Variants in ZEB1 observed in about 807,000 individuals in gnomAD.
ZEB1 encodes the protein zinc finger E-box-binding homeobox 1.
ZEB1 carries 21 observed loss-of-function variants against 84.9 expected under a neutral mutation model. That is an observed-to-expected ratio of 0.25 (90% CI 0.18 to 0.36). ZEB1 has a LOEUF of 0.36. Among genes scored for constraint, ZEB1 ranks in the 10% least tolerant of loss-of-function variants. The pLI is 1.00. For missense variants in ZEB1, 1,104 were observed against 1,330.2 expected (o/e 0.83, Z 2.65); for synonymous variants, 420 against 471.1 (o/e 0.89, Z 1.41).
intron 1 of ZEB1, among the ~76,000 whole-genome samples, chr10:31,322,584 A>T (rs2034412156): frequency 6.6e-6 from 1 of 152,218 alleles, no homozygotes; most frequent in South Asian, 2.1e-4. Flanking sequence ...TGGCCAAAGC[A>T]TCAAACCTTG....
At chr10:31,475,177 A>T (rs1387887464) in intron 2 of ZEB1, among the ~76,000 whole-genome samples, 4 of 151,484 alleles carry the variant, frequency 2.6e-5, no homozygotes, top group Non-Finnish European at 5.9e-5. Context: ...AACCTGCACA[A>T]TGTGCACATG....
At chr10:31,368,470 C>A (rs1056736745) in intron 1 of ZEB1, among the ~76,000 whole-genome samples, 1 of 143,056 alleles carries the variant, frequency 7.0e-6, no homozygotes, top group African/African-American at 2.6e-5. Flanking sequence ...CTCTTGTATA[C>A]GTTAAATCAT....
intron 1 of ZEB1, among the ~76,000 whole-genome samples, chr10:31,452,734 TGTGTGTGTGAGAGAGAGA>T (rs1164447966): frequency 1.7e-4 from 19 of 111,048 alleles, no homozygotes; most frequent in African/African-American, 9.0e-4. Flanking sequence ...TGTGTGTGTG[TGTGTGTGTGAGAGAGAGA>T]GAGAGAGAGA....
At chr10:31,474,279 C>A (rs1448812957) in intron 2 of ZEB1, among the ~76,000 whole-genome samples, 2 of 151,462 alleles carry the variant, frequency 1.3e-5, no homozygotes, top group Non-Finnish European at 2.9e-5. Flanking sequence ...AGGCAACCTA[C>A]AAAATGGGAG....
chr10:31,499,792 T>G (rs1344055844), intron 3 of ZEB1, among the ~76,000 whole-genome samples: 1 of 151,874 alleles, frequency 6.6e-6, no homozygotes, highest in Non-Finnish European at 1.5e-5. Context: ...TTATCAATAA[T>G]GAAGAAAACA....
intron 1 of ZEB1, chr10:31,360,953 C>T: frequency 1.9e-6 from 3 of 1,600,628 alleles, no homozygotes; most frequent in Middle Eastern, 2.3e-4. Context: ...AAGCAGCTAA[C>T]TATGGCGACC....
intron 1 of ZEB1, among the ~76,000 whole-genome samples, chr10:31,408,789 A>T (rs1168068908): frequency 2.7e-5 from 4 of 149,990 alleles, no homozygotes; most frequent in African/African-American, 1.0e-4. Flanking sequence ...AACCATAAAA[A>T]CCCTAGAAGA....
At chr10:31,398,849 C>T (rs2051329837) in intron 1 of ZEB1, among the ~76,000 whole-genome samples, 1 of 152,060 alleles carries the variant, frequency 6.6e-6, no homozygotes, top group African/African-American at 2.4e-5. Context: ...TTTCTTCTTG[C>T]CTCCCCATCT....
rs2073716635 is a variant in ZEB1 at position 31,527,454 on chromosome 10, A to ACACACACAC, written c.*190_*191insCACACACAC. The ACACACACAC allele has an allele frequency of 1.7e-6, 1 of 594,324 alleles. No individual in the cohort carries two copies. Among genetic ancestry groups the ACACACACAC allele is most frequent in the Admixed American group, 3.5e-5 (1 of 28,216 alleles). 36.8% of individuals were successfully genotyped at this position (594,324 alleles called of 1,614,324 possible). A position where few individuals can be genotyped will look rare whatever the true frequency, so the allele number is the denominator to read the frequency against. ...ACACACACACACACACACACACACA[A>ACACACACAC]AATAAATCCGGGTGTGCCTGAACCT... On this transcript the variant is annotated 3_prime_UTR_variant, in exon 9 of 9. Coordinates refer to ENST00000424869, the MANE Select transcript of ZEB1 (RefSeq NM_001174096.2).
At chr10:31,435,343 T>A (rs1449095661) in intron 1 of ZEB1, among the ~76,000 whole-genome samples, 2 of 152,218 alleles carry the variant, frequency 1.3e-5, no homozygotes, top group African/African-American at 4.8e-5. Flanking sequence ...GGCATCTAAT[T>A]GTGAAATAAT....
intron 1 of ZEB1, among the ~76,000 whole-genome samples, chr10:31,362,401 T>C (rs1321060844): frequency 1.8e-5 from 1 of 55,488 alleles, no homozygotes; most frequent in Non-Finnish European, 3.7e-5. Flanking sequence ...CTTCCCAGAG[T>C]GTAGGGGGGC....
At position 31,442,842 on chromosome 10, in the gene ZEB1, G is replaced by C. The variant is rs149958299; in HGVS notation, c.59-18195G>C. On this transcript the variant is annotated intron_variant, in intron 1 of 8. Transcript: ENST00000424869. ...CAAATGAGGACTGATAATTGTCATT[G>C]CATTTAGCAGTGCTCACAGTCATGA... 2.4e-4 allele frequency among the ~76,000 whole-genome samples: 37 copies of C among 152,340 alleles called. No homozygotes were observed. The East Asian group carries it at 6.8e-3, about 28-fold the overall frequency.
Position 31,525,860 on chromosome 10 carries a change from C to T in ZEB1, c.2786-812C>T, listed in dbSNP as rs560287989. On this transcript the variant is annotated intron_variant, in intron 8 of 8. Coordinates refer to ENST00000424869, the MANE Select transcript of ZEB1 (RefSeq NM_001174096.2). ...CTAAGAAGAGTTAGAAAATCCCCTT[C>T]CTCTTCAGGCAAAGTTAAATATTAG... Among the ~76,000 whole-genome samples, 12 of 152,272 alleles carry T rather than the reference C, an allele frequency of 7.9e-5. No homozygotes were observed. In the East Asian group the frequency reaches 2.3e-3, roughly 29 times the overall value.
chr10:31,344,070 A>T (rs1307356921), intron 1 of ZEB1, among the ~76,000 whole-genome samples: 1 of 152,080 alleles, frequency 6.6e-6, no homozygotes, highest in Non-Finnish European at 1.5e-5. Flanking sequence ...TGACAGCCTC[A>T]CTGGATCCTG....
intron 1 of ZEB1, among the ~76,000 whole-genome samples, chr10:31,390,886 T>G (rs1177359377): frequency 6.6e-6 from 1 of 152,182 alleles, no homozygotes; most frequent in Non-Finnish European, 1.5e-5. Context: ...TTTAATGTAT[T>G]GATTTTAGTA....
chr10:31,352,983 G>T (rs1317383167), intron 1 of ZEB1, among the ~76,000 whole-genome samples: 1 of 152,212 alleles, frequency 6.6e-6, no homozygotes, highest in African/African-American at 2.4e-5. Flanking sequence ...AGGAAGTGCA[G>T]TTTTTGCTGA....
At position 31,486,472 on chromosome 10, in the gene ZEB1, G is replaced by T. The variant is rs141096237; in HGVS notation, c.260-9304G>T. Among the ~76,000 whole-genome samples, 942 of 151,590 alleles carry T rather than the reference G, an allele frequency of 6.2e-3. 7 individuals carry two copies. The highest frequency in any genetic ancestry group is 1.0e-2 in the Non-Finnish European group (674 of 67,720). The stretch of plus-strand genomic sequence containing the variant: ...GGTTTTCATTTGCATTCCCCTAATG[G>T]CTAATGAAGTTAAACATTTTATCAT... On this transcript the variant is annotated intron_variant, in intron 2 of 8. Coordinates refer to ENST00000424869, the MANE Select transcript of ZEB1 (RefSeq NM_001174096.2).
intron 1 of ZEB1, among the ~76,000 whole-genome samples, chr10:31,326,597 T>G (rs2035547744): frequency 1.3e-5 from 2 of 152,224 alleles, no homozygotes. Context: ...TTTGCCAAGT[T>G]TATGTTACTA....
At chr10:31,420,936 T>G (rs2056060444) in intron 1 of ZEB1, among the ~76,000 whole-genome samples, 1 of 152,204 alleles carries the variant, frequency 6.6e-6, no homozygotes, top group Non-Finnish European at 1.5e-5. Context: ...CAGTCCAGCC[T>G]GTTTCTTGAC....
Sources: gnomAD v4.1 joint callset for allele counts (sites outside exome capture counted in the v4.1 genomes callset) on GRCh38, gnomAD v4.1.1 for gene constraint, MANE v1.5 for transcripts, NCBI Gene and HGNC (gene_info 2026-07-23, HGNC 2026-07-21) for gene names.